DNM1: variants seen among roughly 807,000 people sequenced by gnomAD.
DNM1 encodes dynamin 1.
A neutral mutation model predicts 104.6 loss-of-function variants in DNM1; 29 were observed. That is an observed-to-expected ratio of 0.28 (90% CI 0.21 to 0.38). The LOEUF (loss-of-function observed/expected upper bound fraction) is 0.38, where lower values mean the gene tolerates loss of function less well. Ranked by LOEUF, DNM1 falls within the 10% of genes least tolerant of loss-of-function variation. The pLI is 1.00. For missense variants in DNM1, 640 were observed against 1,189.4 expected, an observed-to-expected ratio of 0.54 and a Z score of 6.79; for synonymous variants, 445 against 475.8, an observed-to-expected ratio of 0.94 and a Z score of 0.84.
chr9:128,218,989 T>C lies in DNM1; in HGVS notation c.386-60T>C. 1 of 1,590,568 alleles carries C rather than the reference T, an allele frequency of 6.3e-7. No individual in the cohort carries two copies. Among genetic ancestry groups the C allele is most frequent in the Non-Finnish European group, 8.6e-7 (1 of 1,164,566 alleles). ...AGCTTCTCTAACCCCGCCCTATTCT[T>C]TAACCTCGCCCGCGGCCACGCCCCT... On this transcript the variant is annotated intron_variant, in intron 3 of 21. Transcript: ENST00000372923. The surrounding 1 kb of genome is among the most constrained non-coding windows in gnomAD (Gnocchi z 4.8).
At position 128,209,419 on chromosome 9, in the gene DNM1, A is replaced by G. The variant is rs574810510; in HGVS notation, c.161+5788A>G. Among the ~76,000 whole-genome samples the G allele has an allele frequency of 5.9e-5, 9 of 152,188 alleles. No individual in the cohort carries two copies. The East Asian group carries it at 1.7e-3, about 29-fold the overall frequency. ...GAGTGGAGAGGGTGGGCAGGGCAGGAGTGGAGGAAGTGGGTCATGGACACA... is the reference window on the plus strand; with the variant it reads ...GAGTGGAGAGGGTGGGCAGGGCAGGGGTGGAGGAAGTGGGTCATGGACACA... On this transcript the variant is annotated intron_variant, in intron 1 of 21. Transcript: ENST00000372923.
Position 128,240,035 on chromosome 9 carries a change from G to T in DNM1, c.1557+39G>T. 6.2e-7 allele frequency: 1 copy of T among 1,613,064 alleles called. No homozygotes were observed. Among genetic ancestry groups the T allele is most frequent in the Non-Finnish European group, 8.5e-7 (1 of 1,179,150 alleles). On this transcript the variant is annotated intron_variant, in intron 14 of 21. Coordinates refer to ENST00000372923, the MANE Select transcript of DNM1 (RefSeq NM_004408.4). The surrounding 1 kb of genome is among the most constrained non-coding windows in gnomAD (Gnocchi z 5.1). Reference sequence around the variant, plus strand: ...CTGGGGCTCTCGGCTTGTGTAGTGAGGGGGCGGAGGGTCCATCGGCAGTGG... The same window carrying T: ...CTGGGGCTCTCGGCTTGTGTAGTGATGGGGCGGAGGGTCCATCGGCAGTGG...
chr9:128,216,197 C>A (rs1419147389), intron 1 of DNM1, among the ~76,000 whole-genome samples: 1 of 152,196 alleles, frequency 6.6e-6, no homozygotes, highest in Non-Finnish European at 1.5e-5. Flanking sequence ...GGCACAGGGC[C>A]CGGCACAGAC....
chr9:128,247,623 C>A lies in DNM1; in HGVS notation c.1893+137C>A. ...AATAATAGGAATCCTCCCCCCTACCCACTCTGGGGGTGGGAACAGAGATAA... is the reference window on the plus strand; with the variant it reads ...AATAATAGGAATCCTCCCCCCTACCAACTCTGGGGGTGGGAACAGAGATAA... On this transcript the variant is annotated intron_variant, in intron 17 of 21. Transcript: ENST00000372923. This position sits in a 1 kb window ranked among gnomAD's most constrained non-coding sequence, Gnocchi z 5.1. 1 of 768,990 alleles carries A rather than the reference C, an allele frequency of 1.3e-6. No individual in the cohort carries two copies. The highest frequency in any genetic ancestry group is 2.1e-6 in the Non-Finnish European group (1 of 469,098). 47.6% of individuals were successfully genotyped at this position (768,990 alleles called of 1,614,324 possible).
chr9:128,219,119 C>A lies in DNM1; in HGVS notation c.456C>A (p.Ile152=). The change falls in exon 4 of 22, where the codon ATC becomes ATA. Residue 152 remains isoleucine, a synonymous_variant. Coordinates refer to ENST00000372923, the MANE Select transcript of DNM1 (RefSeq NM_004408.4). ...CGGTGGGGGACCAACCTCCCGACAT[C>A]GAGTTCCAGATCCGAGACATGCTTA... is the stretch of plus-strand genomic sequence containing the variant. ...KVPVGDQPPD[I]EFQIRDMLMQ... The A allele has an allele frequency of 6.2e-7, 1 of 1,614,194 alleles. No individual in the cohort carries two copies. Among genetic ancestry groups the A allele is most frequent in the Non-Finnish European group, 8.5e-7 (1 of 1,180,050 alleles).
intron 10 of DNM1, chr9:128,232,815 T>C (rs1337942985): frequency 6.6e-6 from 1 of 152,574 alleles, no homozygotes; most frequent in Non-Finnish European, 1.5e-5. Flanking sequence ...GAGCTGATCA[T>C]GGGCCAGAGG....
chr9:128,254,276 A>G lies in DNM1; in HGVS notation c.2535-378A>G. On this transcript the variant is annotated intron_variant, in intron 21 of 21. Transcript: ENST00000372923. This position sits in a 1 kb window ranked among gnomAD's most constrained non-coding sequence, Gnocchi z 6.1. ...CTGTTGCATGGGGCTCCCCAAGGCAAGGGGTGGCCCCAGGCCAGTGGGTTG... is the reference window on the plus strand; with the variant it reads ...CTGTTGCATGGGGCTCCCCAAGGCAGGGGGTGGCCCCAGGCCAGTGGGTTG... 7.2e-7 allele frequency: 1 copy of G among 1,383,030 alleles called. No individual in the cohort carries two copies. Among genetic ancestry groups the G allele is most frequent in the Non-Finnish European group, 9.3e-7 (1 of 1,078,294 alleles). 85.7% of individuals were successfully genotyped at this position (1,383,030 alleles called of 1,614,324 possible).
rs555900243 is a variant in DNM1 at position 128,225,196 on chromosome 9, A to G, written c.1335+807A>G. On this transcript the variant is annotated intron_variant, in intron 10 of 21. Coordinates refer to ENST00000372923, the MANE Select transcript of DNM1 (RefSeq NM_004408.4). The stretch of plus-strand genomic sequence containing the variant: ...TCCAAGTCCAGTGCTCCTCGATTCC[A>G]CCCTCCAGCCTCCCTTCCTTTCCTC... Among the ~76,000 whole-genome samples the G allele has an allele frequency of 1.0e-3, 155 of 151,856 alleles. 1 individual carries two copies. The highest frequency in any genetic ancestry group is 6.8e-3 in the Middle Eastern group (2 of 294).
At chr9:128,216,873 G>A (rs1834636811) in intron 1 of DNM1, among the ~76,000 whole-genome samples, 2 of 152,192 alleles carry the variant, frequency 1.3e-5, no homozygotes, top group African/African-American at 2.4e-5. Flanking sequence ...ATAAGGCGCT[G>A]GCTGTGTCTC....
chr9:128,251,644 G>C (rs2109686), intron 21 of DNM1: 14,448 of 112,002 alleles, frequency 0.13, 1,319 homozygotes, highest in East Asian at 0.38. Context: ...CACCCCCTCC[G>C]CGACTTCTGG....
At chr9:128,205,624 G>A (rs886387646) in intron 1 of DNM1, among the ~76,000 whole-genome samples, 5 of 152,196 alleles carry the variant, frequency 3.3e-5, no homozygotes, top group South Asian at 2.1e-4. Flanking sequence ...CCCCATCTGC[G>A]GAATGGAAAC....
chr9:128,241,586 G>T (rs886862721), intron 14 of DNM1, among the ~76,000 whole-genome samples: 5 of 152,188 alleles, frequency 3.3e-5, no homozygotes. Flanking sequence ...GTGACCAACA[G>T]TTCATGATTT....
chr9:128,228,626 GAGAA>G (rs1835481664), intron 10 of DNM1, among the ~76,000 whole-genome samples: 1 of 152,188 alleles, frequency 6.6e-6, no homozygotes, highest in Non-Finnish European at 1.5e-5. Flanking sequence ...AACAATCGCA[GAGAA>G]AGAAAAGCAA....
intron 21 of DNM1, chr9:128,251,206 TG>T (rs1829497505): frequency 1.5e-6 from 1 of 652,974 alleles, no homozygotes; most frequent in African/African-American, 1.8e-5. Flanking sequence ...TTCCAGCACT[TG>T]CATGGCGCTT....
Position 128,239,485 on chromosome 9 carries a change from C to T in DNM1, c.1463C>T (p.Thr488Ile). 2.5e-6 allele frequency: 4 copies of T among 1,614,016 alleles called. No individual in the cohort carries two copies. The highest frequency in any genetic ancestry group is 3.4e-6 in the Non-Finnish European group (4 of 1,179,962). The change falls in exon 12 of 22, where the codon ACC becomes ATC. Residue 488 changes from threonine (T) to isoleucine (I), a missense_variant. Thr to Ile is a moderately conservative substitution (Grantham distance 89). Transcript: ENST00000372923. ...GATATCGAGCTGGCTTACATGAACA[C>T]CAACCATGAGGACTTCATAGGCTTT... is the stretch of plus-strand genomic sequence containing the variant. ...LIDIELAYMN[T>I]NHEDFIGFAN...
At chr9:128,213,002 A>T (rs1308655307) in intron 1 of DNM1, among the ~76,000 whole-genome samples, 2 of 152,242 alleles carry the variant, frequency 1.3e-5, no homozygotes, top group Non-Finnish European at 2.9e-5. Context: ...ATGAATGATA[A>T]AATGTTTACA....
rs1443727316 is a variant in DNM1 at position 128,218,728 on chromosome 9, C to T, written c.382C>T (p.His128Tyr). 1 of 1,600,958 alleles carries T rather than the reference C, an allele frequency of 6.2e-7. No individual in the cohort carries two copies. The change falls in exon 3 of 22, where the codon CAC becomes TAC. Residue 128 changes from histidine (H) to tyrosine (Y), a missense_variant. This residue lies in a region of DNM1 where 172 missense variants were observed against 335.3 expected (regional missense o/e 0.51). Transcript: ENST00000372923. The surrounding 1 kb of genome is among the most constrained non-coding windows in gnomAD (Gnocchi z 4.8). ...TATCAACCTCCGCGTCTACTCGCCG[C>T]ACGGTGAGGACCCTGGCCCCGCCCT... ...VPINLRVYSP[H>Y]VLNLTLVDLP...
At position 128,254,358 on chromosome 9, in the gene DNM1, T is replaced by A. The variant is rs1829718088; in HGVS notation, c.2535-296T>A. On this transcript the variant is annotated intron_variant, in intron 21 of 21. Coordinates refer to ENST00000372923, the MANE Select transcript of DNM1 (RefSeq NM_004408.4). This position sits in a 1 kb window ranked among gnomAD's most constrained non-coding sequence, Gnocchi z 6.1. Reference sequence around the variant, plus strand: ...CGAGGGGGCCGAGCATCAGCCTGAATTGCGGGTGCCCTGCCTGGGTGCCGT... The same window carrying A: ...CGAGGGGGCCGAGCATCAGCCTGAAATGCGGGTGCCCTGCCTGGGTGCCGT... The A allele has an allele frequency of 1.4e-6, 2 of 1,405,648 alleles. No individual in the cohort carries two copies. Among genetic ancestry groups the A allele is most frequent in the Admixed American group, 6.4e-5 (2 of 31,396 alleles). 87.1% of individuals were successfully genotyped at this position (1,405,648 alleles called of 1,614,324 possible).
chr9:128,231,194 C>CTTTT (rs72047067), intron 10 of DNM1, among the ~76,000 whole-genome samples: 1,292 of 68,446 alleles, frequency 0.019, 21 homozygotes, highest in Middle Eastern at 0.048. Context: ...ATACTTTTGC[C>CTTTT]TTTTTTTTTT....
Sources: allele counts gnomAD v4.1 joint callset (sites outside exome capture counted in the v4.1 genomes callset), GRCh38; gene constraint gnomAD v4.1.1; regional missense constraint gnomAD v4.1.1; non-coding constraint Gnocchi (gnomAD v3.1); transcripts MANE v1.5; gene names NCBI Gene and HGNC (gene_info 2026-07-23, HGNC 2026-07-21).